Variants in RBMS3 observed in about 807,000 individuals in gnomAD.
RBMS3 encodes RNA binding motif single stranded interacting protein 3.
A neutral mutation model predicts 66.8 loss-of-function variants in RBMS3; 27 were observed. That is an observed-to-expected ratio of 0.40 (90% CI 0.30 to 0.56). The LOEUF is 0.56. Ranked by LOEUF, RBMS3 falls within the 20% of genes least tolerant of loss-of-function variation. The pLI, the probability that RBMS3 is intolerant of heterozygous loss-of-function variation, is 0.40. For missense variants in RBMS3, 513 were observed against 549.5 expected, an observed-to-expected ratio of 0.93 and a Z score of 0.66; for synonymous variants, 188 against 183.0, an observed-to-expected ratio of 1.03 and a Z score of -0.22.
chr3:29,564,033 A>G (rs1216256596), intron 3 of RBMS3, among the ~76,000 whole-genome samples: 1 of 151,952 alleles, frequency 6.6e-6, no homozygotes, highest in African/African-American at 2.4e-5. Flanking sequence ...AGAAAAAAGA[A>G]GAGAAGAAAA....
rs9828797 is a variant in RBMS3, at chr3:29,304,386, A to G, written c.75+22630A>G. Among the ~76,000 whole-genome samples the G allele has an allele frequency of 3.1e-3, 478 of 152,096 alleles. 2 individuals are homozygous for G. The highest frequency in any genetic ancestry group is 0.011 in the African/African-American group (444 of 41,522). On this transcript the variant is annotated intron_variant, in intron 1 of 14. Coordinates refer to ENST00000383767, the MANE Select transcript of RBMS3 (RefSeq NM_001003793.3). ...ATGAGTGGTAAAACTCTGAGCAAAG[A>G]TAGATTTAAAAGCACTAGGAGACTA...
chr3:29,356,977 C>T (rs2037258353), intron 1 of RBMS3, among the ~76,000 whole-genome samples: 1 of 151,970 alleles, frequency 6.6e-6, no homozygotes, highest in Admixed American at 6.6e-5. Flanking sequence ...TGCATGATTA[C>T]ATATAAACAA....
chr3:29,542,175 G>A lies in RBMS3; in HGVS notation c.308-44939G>A, dbSNP rs533356157. Among the ~76,000 whole-genome samples, 113 of 152,136 alleles carry A rather than the reference G, an allele frequency of 7.4e-4. 2 individuals carry two copies. Among genetic ancestry groups the A allele is most frequent in the Non-Finnish European group, 8.4e-4 (57 of 68,024 alleles). On this transcript the variant is annotated intron_variant, in intron 3 of 14. Transcript: ENST00000383767. ...GTGGGTTCTCAAATATTTGTTGAGA[G>A]AACAGTGAACAATTACTGGGTGAGA...
intron 2 of RBMS3, among the ~76,000 whole-genome samples, chr3:29,458,034 G>A (rs1425896183): frequency 6.6e-6 from 1 of 152,034 alleles, no homozygotes; most frequent in Non-Finnish European, 1.5e-5. Flanking sequence ...TCCTGACTCA[G>A]AAATTTGATC....
In RBMS3 at chr3:29,286,685, G is replaced by T. The variant is rs138858822; in HGVS notation, c.75+4929G>T. 3.9e-3 allele frequency among the ~76,000 whole-genome samples: 589 copies of T among 152,084 alleles called. 2 individuals are homozygous for T. Among genetic ancestry groups the T allele is most frequent in the African/African-American group, 0.014 (567 of 41,530 alleles). On this transcript the variant is annotated intron_variant, in intron 1 of 14. Transcript: ENST00000383767. ...GAAGGGAGGATGCAAGTTCATTCTA[G>T]GTCTTTCTGGCTTCAGGAATTCTGG...
intron 6 of RBMS3, among the ~76,000 whole-genome samples, chr3:29,787,803 C>T (rs1012893417): frequency 6.6e-6 from 1 of 151,818 alleles, no homozygotes; most frequent in Non-Finnish European, 1.5e-5. Flanking sequence ...ATTCATGTAA[C>T]CAAACACCAT....
At chr3:29,919,062 AT>A (rs2060706600) in intron 10 of RBMS3, among the ~76,000 whole-genome samples, 1 of 152,160 alleles carries the variant, frequency 6.6e-6, no homozygotes, top group Non-Finnish European at 1.5e-5. Context: ...AAGGTGGAAC[AT>A]TTCCTACTCT....
At chr3:29,458,930 TA>T (rs1472412067) in intron 2 of RBMS3, among the ~76,000 whole-genome samples, 3 of 152,198 alleles carry the variant, frequency 2.0e-5, no homozygotes, top group African/African-American at 7.2e-5. Flanking sequence ...ATTTATCTAA[TA>T]TTTTTCTCTA....
intron 1 of RBMS3, among the ~76,000 whole-genome samples, chr3:29,430,514 A>G (rs1202114722): frequency 1.3e-5 from 2 of 152,042 alleles, no homozygotes; most frequent in Non-Finnish European, 2.9e-5. Flanking sequence ...TATTTTGTTA[A>G]TTTTTTTCCC....
At chr3:29,981,137 A>G (rs531541599) in intron 12 of RBMS3, among the ~76,000 whole-genome samples, 2 of 152,122 alleles carry the variant, frequency 1.3e-5, no homozygotes, top group East Asian at 3.9e-4. Flanking sequence ...TCTCCTTGAA[A>G]TGATCCTTCA....
At chr3:29,315,309 T>C (rs1280641798) in intron 1 of RBMS3, among the ~76,000 whole-genome samples, 1 of 151,720 alleles carries the variant, frequency 6.6e-6, no homozygotes, top group Non-Finnish European at 1.5e-5. Context: ...CCCAAAAATA[T>C]GTAAAGTAAA....
chr3:29,417,420 T>A (rs186412092), intron 1 of RBMS3, among the ~76,000 whole-genome samples: 1 of 152,244 alleles, frequency 6.6e-6, no homozygotes, highest in East Asian at 1.9e-4. Flanking sequence ...GAGTTAAATA[T>A]CTGTTGCTTT....
intron 2 of RBMS3, among the ~76,000 whole-genome samples, chr3:29,439,489 G>A (rs866627737): frequency 3.3e-5 from 5 of 152,142 alleles, no homozygotes; most frequent in South Asian, 4.1e-4. Flanking sequence ...TCTTTTTTCC[G>A]TTAAAAAGCA....
rs1359003027 is a variant in RBMS3 at position 29,936,137 on chromosome 3, A to C, written c.991A>C (p.Asn331His). The change falls in exon 11 of 15, where the codon AAC becomes CAC. Residue 331 changes from asparagine to histidine, a missense_variant. Asn to His is a moderately conservative substitution (Grantham distance 68). Coordinates refer to ENST00000383767, the MANE Select transcript of RBMS3 (RefSeq NM_001003793.3). ...CCATCCCATGTCAATGCAGCCAGCC[A>C]ACATGATGGGCCCACTGACACAGCA... ...MDHPMSMQPA[N>H]MMGPLTQQMN... 6.2e-7 allele frequency: 1 copy of C among 1,613,426 alleles called. No homozygotes were observed. Among genetic ancestry groups the C allele is most frequent in the South Asian group, 1.1e-5 (1 of 91,030 alleles).
rs564501704 is a variant in RBMS3, at chr3:29,735,334, G to C, written c.400-4386G>C. The stretch of plus-strand genomic sequence containing the variant: ...GAAAGTAAATTATTTACATATTTTT[G>C]CGTAAGATGACAGATCTGGGCTCCC... On this transcript the variant is annotated intron_variant, in intron 4 of 14. Coordinates refer to ENST00000383767, the MANE Select transcript of RBMS3 (RefSeq NM_001003793.3). Among the ~76,000 whole-genome samples the C allele has an allele frequency of 2.9e-4, 44 of 152,204 alleles. No homozygotes were observed. The East Asian group carries it at 8.3e-3, about 29-fold the overall frequency.
intron 3 of RBMS3, among the ~76,000 whole-genome samples, chr3:29,580,913 T>C (rs72855102): frequency 6.6e-6 from 1 of 152,196 alleles, no homozygotes; most frequent in African/African-American, 2.4e-5. Flanking sequence ...CTCTGTTTGC[T>C]AAGTGTCTGA....
chr3:29,310,704 T>C (rs1168913402), intron 1 of RBMS3, among the ~76,000 whole-genome samples: 1 of 151,644 alleles, frequency 6.6e-6, no homozygotes. Flanking sequence ...CTCCAAGTTG[T>C]TATTAGGCTA....
chr3:29,776,953 G>T (rs1559659778), intron 6 of RBMS3, among the ~76,000 whole-genome samples: 1 of 151,826 alleles, frequency 6.6e-6, no homozygotes, highest in Non-Finnish European at 1.5e-5. Context: ...AATTTGCTCT[G>T]GTAATTCTCA....
chr3:29,867,957 T>A (rs1051547380), intron 6 of RBMS3, among the ~76,000 whole-genome samples: 4 of 152,048 alleles, frequency 2.6e-5, no homozygotes, highest in Admixed American at 6.6e-5. Context: ...ATTAAAAAAG[T>A]TTGTCAGGCC....
Sources: allele counts gnomAD v4.1 joint callset (sites outside exome capture counted in the v4.1 genomes callset), GRCh38; gene constraint gnomAD v4.1.1; transcripts MANE v1.5; gene names NCBI Gene and HGNC (gene_info 2026-07-23, HGNC 2026-07-21).